Variants in MID2 observed in about 807,000 individuals in gnomAD.
MID2 encodes the protein probable E3 ubiquitin-protein ligase MID2.
A neutral mutation model predicts 46.1 loss-of-function variants in MID2; 13 were observed. The observed-to-expected ratio is 0.28, with a 90% CI of 0.18 to 0.45. The LOEUF is 0.45. Ranked by LOEUF, MID2 falls within the 20% of genes least tolerant of loss-of-function variation. The pLI is 1.00. For synonymous variants in MID2, 199 were observed against 212.3 expected, an observed-to-expected ratio of 0.94 and a Z score of 0.55; for missense variants, 431 against 575.4, an observed-to-expected ratio of 0.75 and a Z score of 2.57.
chrX:107,878,374 G>A (rs370888716), intron 3 of MID2, among the ~76,000 whole-genome samples: 2 of 110,017 alleles, frequency 1.8e-5, no homozygotes, highest in African/African-American at 6.6e-5. Flanking sequence ...GCAGCTGTTG[G>A]GGTGGGGGTG....
At chrX:107,836,721 C>T (rs1053533508) in intron 1 of MID2, among the ~76,000 whole-genome samples, 1 of 110,865 alleles carries the variant, frequency 9.0e-6, no homozygotes, top group Non-Finnish European at 1.9e-5. Context: ...GTACCCAGAA[C>T]AAGAAAGCCT....
rs774002304 is a variant in MID2, at chrX:107,841,204, G to A, written c.539G>A (p.Arg180His). The change falls in exon 2 of 10, where the codon CGC becomes CAC. Residue 180 changes from arginine to histidine, a missense_variant. Arg to His is a conservative substitution (Grantham distance 29). Coordinates refer to ENST00000262843, the MANE Select transcript of MID2 (RefSeq NM_012216.4). The stretch of plus-strand genomic sequence containing the variant: ...AACAAGAAACCTTTCACCAGCCACC[G>A]CCTGGTGGAACCAGTGCCAGACACA... ...HPNKKPFTSH[R>H]LVEPVPDTHL... 1.9e-5 allele frequency: 23 copies of A among 1,211,554 alleles called. No homozygotes were observed. The highest frequency in any genetic ancestry group is 2.6e-5 in the Non-Finnish European group (23 of 895,427).
At chrX:107,867,303 G>T (rs375251417) in intron 3 of MID2, among the ~76,000 whole-genome samples, 4 of 105,284 alleles carry the variant, frequency 3.8e-5, no homozygotes, top group African/African-American at 1.1e-4. Flanking sequence ...GGCATGTGCC[G>T]CCACGCCCAG....
chrX:107,916,252 C>A, intron 6 of MID2, 123 bp downstream of exon 6: 1 of 529,178 alleles, frequency 1.9e-6, no homozygotes, highest in Non-Finnish European at 2.7e-6. Flanking sequence ...TAAAATGATG[C>A]ATGTGTCTTT....
chrX:107,895,155 T>C (rs1336644605), intron 3 of MID2: 2 of 109,499 alleles, frequency 1.8e-5, no homozygotes, highest in South Asian at 4.0e-4. Flanking sequence ...AATAATTCTA[T>C]TGAGCAAACT....
At chrX:107,851,652 AAACAACAACAAC>A (rs746654148) in intron 2 of MID2, among the ~76,000 whole-genome samples, 1 of 108,792 alleles carries the variant, frequency 9.2e-6, no homozygotes, top group African/African-American at 3.4e-5. Flanking sequence ...TCCTCAGTGC[AAACAACAACAAC>A]AACAACAACA....
intron 3 of MID2, among the ~76,000 whole-genome samples, chrX:107,872,194 A>G (rs1441090382): frequency 9.0e-6 from 1 of 111,632 alleles, no homozygotes; most frequent in Non-Finnish European, 1.9e-5. Flanking sequence ...AAAGGGAGCC[A>G]TTGTCTGAGG....
chrX:107,889,214 C>A (rs940619005), intron 3 of MID2, among the ~76,000 whole-genome samples: 3 of 111,422 alleles, frequency 2.7e-5, no homozygotes, highest in Admixed American at 1.9e-4. Context: ...TCTTCCTAGC[C>A]TCAATGGTCT....
chrX:107,847,071 TG>T (rs1287305224), intron 2 of MID2, among the ~76,000 whole-genome samples: 1 of 112,462 alleles, frequency 8.9e-6, no homozygotes, highest in Non-Finnish European at 1.9e-5. Flanking sequence ...GTTGATATAA[TG>T]AGGTAATGCC....
At chrX:107,888,933 G>A (rs1227227753) in intron 3 of MID2, among the ~76,000 whole-genome samples, 1 of 111,315 alleles carries the variant, frequency 9.0e-6, no homozygotes, top group East Asian at 2.8e-4. Flanking sequence ...TCAGAGGCTA[G>A]GATTGCAGAC....
chrX:107,880,334 C>A (rs1454700102), intron 3 of MID2, among the ~76,000 whole-genome samples: 1 of 110,819 alleles, frequency 9.0e-6, no homozygotes, highest in Non-Finnish European at 1.9e-5. Context: ...GTTGCCAAGG[C>A]TGGTCTCGAA....
At chrX:107,831,760 T>C (rs1931094575) in intron 1 of MID2, among the ~76,000 whole-genome samples, 1 of 112,542 alleles carries the variant, frequency 8.9e-6, no homozygotes, top group Non-Finnish European at 1.9e-5. Context: ...ACAAATATTT[T>C]GTTGGGTAAC....
At chrX:107,858,543 A>G (rs1931791673) in intron 3 of MID2, among the ~76,000 whole-genome samples, 1 of 112,460 alleles carries the variant, frequency 8.9e-6, no homozygotes, top group Non-Finnish European at 1.9e-5. Context: ...AACAGCATTT[A>G]TTGAGCATAC....
intron 3 of MID2, among the ~76,000 whole-genome samples, chrX:107,858,120 T>C (rs1931782820): frequency 8.9e-6 from 1 of 112,352 alleles, no homozygotes; most frequent in African/African-American, 3.2e-5. Context: ...TTAAGATCAC[T>C]ACAGATTTGT....
chrX:107,880,097 C>T (rs1159496067), intron 3 of MID2, among the ~76,000 whole-genome samples: 1 of 107,780 alleles, frequency 9.3e-6, no homozygotes, highest in South Asian at 4.2e-4. Context: ...TGGGCCATGC[C>T]TCTCAGAATT....
chrX:107,859,979 A>C (rs994628044), intron 3 of MID2, among the ~76,000 whole-genome samples: 1 of 112,126 alleles, frequency 8.9e-6, no homozygotes, highest in African/African-American at 3.2e-5. Flanking sequence ...CTGGGGAGCC[A>C]TGGAAGGATT....
chrX:107,911,151 G>A (rs1369739270), intron 5 of MID2, among the ~76,000 whole-genome samples: 2 of 110,126 alleles, frequency 1.8e-5, no homozygotes, highest in Non-Finnish European at 3.8e-5. Flanking sequence ...ACCGTGTCTG[G>A]CGCGTTGTGG....
At chrX:107,922,403 G>A (rs1290439066) in intron 7 of MID2, among the ~76,000 whole-genome samples, 1 of 112,225 alleles carries the variant, frequency 8.9e-6, no homozygotes, top group Non-Finnish European at 1.9e-5. Flanking sequence ...ATGCAGTTGG[G>A]TTTGTTTCAG....
At chrX:107,889,426 T>C (rs1372265138) in intron 3 of MID2, among the ~76,000 whole-genome samples, 1 of 111,721 alleles carries the variant, frequency 9.0e-6, no homozygotes, top group Non-Finnish European at 1.9e-5. Context: ...AATTCTTTTC[T>C]TTAAGAATGT....
Sources: gnomAD v4.1 joint callset for allele counts (sites outside exome capture counted in the v4.1 genomes callset) on GRCh38, gnomAD v4.1.1 for gene constraint, MANE v1.5 for transcripts, NCBI Gene and HGNC (gene_info 2026-07-23, HGNC 2026-07-21) for gene names.